Variants in TMEM196 observed in about 807,000 individuals in gnomAD.
TMEM196 encodes transmembrane protein 196.
A neutral mutation model predicts 20.0 loss-of-function variants in TMEM196; 17 were observed. The ratio of observed to expected loss-of-function variants is 0.85; its 90% confidence interval spans 0.58 to 1.27. The LOEUF (loss-of-function observed/expected upper bound fraction) is 1.27, where lower values mean the gene tolerates loss of function less well. Ranked by LOEUF, TMEM196 falls within the 50% of genes most tolerant of loss-of-function variation. TMEM196 has a pLI of 0.00. For synonymous variants in TMEM196, 113 were observed against 88.9 expected (o/e 1.27, Z -1.52); for missense variants, 267 against 223.0 (o/e 1.20, Z -1.26).
intron 1 of TMEM196, among the ~76,000 whole-genome samples, chr7:19,757,577 C>A (rs77188381): frequency 1.3e-5 from 2 of 151,966 alleles, no homozygotes; most frequent in Admixed American, 1.3e-4. Context: ...ACCCTCATGT[C>A]CCCTCTAAAA....
chr7:19,724,132 AAAGT>A, intron 4 of TMEM196, 144 bp downstream of exon 4: 1 of 726,206 alleles, frequency 1.4e-6, no homozygotes, highest in Admixed American at 2.8e-5. Flanking sequence ...TCAGCTCTGC[AAAGT>A]AAGCGCTTAC....
rs370794792 is a variant in TMEM196 at position 19,772,856 on chromosome 7, C to G, written c.-160G>C. Reference sequence around the variant, plus strand: ...TCCACAAGGGCTGGATTTCCAGAAACGAAGACCTTCCCTGGCTGGGCCAGA... The same window carrying G: ...TCCACAAGGGCTGGATTTCCAGAAAGGAAGACCTTCCCTGGCTGGGCCAGA... On this transcript the variant is annotated 5_prime_UTR_variant, in exon 1 of 5. Coordinates refer to ENST00000405844, the MANE Select transcript of TMEM196 (RefSeq NM_001363562.2). The G allele has an allele frequency of 7.7e-6, 5 of 647,484 alleles. No individual in the cohort carries two copies. The African/African-American group carries it at 9.4e-5, about 12-fold the overall frequency. The allele number at this position is 647,484 out of a possible 1,614,324, so 40.1% of individuals were successfully genotyped here. A position where few individuals can be genotyped will look rare whatever the true frequency, so the allele number is the denominator to read the frequency against.
At chr7:19,760,167 C>T (rs747954243) in intron 1 of TMEM196, among the ~76,000 whole-genome samples, 1 of 151,956 alleles carries the variant, frequency 6.6e-6, no homozygotes, top group Non-Finnish European at 1.5e-5. Context: ...TGAAACACAC[C>T]AAAGCTTTCC....
chr7:19,758,597 T>C (rs1246393302), intron 1 of TMEM196, among the ~76,000 whole-genome samples: 1 of 152,242 alleles, frequency 6.6e-6, no homozygotes, highest in Non-Finnish European at 1.5e-5. Context: ...AGTTTACTTA[T>C]TTGTGAAATG....
intron 1 of TMEM196, among the ~76,000 whole-genome samples, chr7:19,753,788 C>T (rs1345741091): frequency 6.6e-6 from 1 of 152,170 alleles, no homozygotes; most frequent in Non-Finnish European, 1.5e-5. Context: ...CTTCAAGCTC[C>T]CTTCTTTCTG....
At chr7:19,747,651 C>T (rs1451736614) in intron 1 of TMEM196, among the ~76,000 whole-genome samples, 2 of 152,212 alleles carry the variant, frequency 1.3e-5, no homozygotes, top group African/African-American at 2.4e-5. Context: ...AGAGGCTAAC[C>T]TCATTTGGAA....
chr7:19,724,736 T>G (rs1337209533), intron 3 of TMEM196, among the ~76,000 whole-genome samples: 1 of 145,578 alleles, frequency 6.9e-6, no homozygotes, highest in Non-Finnish European at 1.5e-5. Flanking sequence ...TATGCAATTT[T>G]ATTTCCATGA....
intron 1 of TMEM196, among the ~76,000 whole-genome samples, chr7:19,757,478 T>C (rs1357730607): frequency 6.6e-6 from 1 of 151,172 alleles, no homozygotes; most frequent in Non-Finnish European, 1.5e-5. Flanking sequence ...CTAACCTCAA[T>C]TGATCCACCC....
chr7:19,746,531 T>C (rs1189692356), intron 1 of TMEM196, among the ~76,000 whole-genome samples: 1 of 152,252 alleles, frequency 6.6e-6, no homozygotes, highest in Admixed American at 6.5e-5. Flanking sequence ...GCTATTTCAG[T>C]GTCCTGGGAT....
intron 1 of TMEM196, among the ~76,000 whole-genome samples, chr7:19,760,397 A>G (rs1230082550): frequency 5.6e-5 from 6 of 107,374 alleles, no homozygotes; most frequent in Middle Eastern, 0.012. Context: ...GTCTCACTCT[A>G]TTGCCCAGGC....
intron 1 of TMEM196, among the ~76,000 whole-genome samples, chr7:19,733,661 A>T (rs1472799846): frequency 4.4e-4 from 33 of 74,894 alleles, no homozygotes; most frequent in Non-Finnish European, 7.4e-4. Flanking sequence ...ATCCTTTTTT[A>T]AAAAAAAAAA....
In TMEM196 at chr7:19,772,685, G is replaced by T; in HGVS notation, c.12C>A (p.Ser4Arg). 2 of 1,519,404 alleles carry T rather than the reference G, an allele frequency of 1.3e-6. No individual in the cohort carries two copies. The highest frequency in any genetic ancestry group is 1.8e-6 in the Non-Finnish European group (2 of 1,129,004). The allele number at this position is 1,519,404 out of a possible 1,614,324, so 94.1% of individuals were successfully genotyped here. Residue 4 changes from serine to arginine, a missense_variant, in exon 1 of 5, where the codon AGC (serine) becomes AGA (arginine). Transcript: ENST00000405844. ...CCAAGAGGCTCCCAATAATCTGACC[G>T]CTGGTGCACATCCTTCCTCGGTCAT... Reference protein sequence around the residue: MCTSGQIIGSLLVL... With the variant: MCTRGQIIGSLLVL...
intron 1 of TMEM196, among the ~76,000 whole-genome samples, chr7:19,736,722 A>G (rs1219861110): frequency 6.6e-6 from 1 of 151,892 alleles, no homozygotes; most frequent in Non-Finnish European, 1.5e-5. Flanking sequence ...TGAGATATCA[A>G]TAAACATGAA....
chr7:19,759,911 CTG>C (rs2128036675), intron 1 of TMEM196, among the ~76,000 whole-genome samples: 1 of 152,280 alleles, frequency 6.6e-6, no homozygotes, highest in African/African-American at 2.4e-5. Flanking sequence ...CTAATTACAC[CTG>C]TGACTTCCTG....
intron 1 of TMEM196, among the ~76,000 whole-genome samples, chr7:19,730,260 A>T (rs1228992025): frequency 7.4e-6 from 1 of 135,640 alleles, no homozygotes; most frequent in Non-Finnish European, 1.6e-5. Context: ...CGTCTCAAAA[A>T]AGAAAAAAAA....
intron 1 of TMEM196, among the ~76,000 whole-genome samples, chr7:19,736,844 T>C (rs1231485454): frequency 3.9e-5 from 6 of 151,998 alleles, no homozygotes; most frequent in African/African-American, 1.4e-4. Context: ...GAGATCATTA[T>C]TTTATCATCC....
At chr7:19,762,881 C>T (rs1438975166) in intron 1 of TMEM196, among the ~76,000 whole-genome samples, 1 of 152,152 alleles carries the variant, frequency 6.6e-6, no homozygotes, top group Non-Finnish European at 1.5e-5. Flanking sequence ...AATGTTCATC[C>T]AACATGCATA....
rs1562612121 is a variant in TMEM196 at position 19,736,352 on chromosome 7, A to ATTATAT, written c.148-6915_148-6914insATATAA. Among the ~76,000 whole-genome samples, 168 of 103,950 alleles carry ATTATAT rather than the reference A, an allele frequency of 1.6e-3. 3 individuals carry two copies. The highest frequency in any genetic ancestry group is 6.3e-3 in the Middle Eastern group (1 of 158). The allele number at this position is 103,950 out of a possible 152,430, so 68.2% of individuals were successfully genotyped here. A position where few individuals can be genotyped will look rare whatever the true frequency, so the allele number is the denominator to read the frequency against. ...AGATCCCACTTTTCTAGTGGTTCCT[A>ATTATAT]CTATATATATATATATATATATATA... On this transcript the variant is annotated intron_variant, in intron 1 of 4. Transcript: ENST00000405844.
At chr7:19,771,086 G>C (rs1043525219) in intron 1 of TMEM196, among the ~76,000 whole-genome samples, 1 of 151,918 alleles carries the variant, frequency 6.6e-6, no homozygotes, top group Admixed American at 6.6e-5. Flanking sequence ...GTTTTAAAGC[G>C]TTATTTCTGT....
Sources: allele counts gnomAD v4.1 joint callset (sites outside exome capture counted in the v4.1 genomes callset), GRCh38; gene constraint gnomAD v4.1.1; transcripts MANE v1.5; gene names NCBI Gene and HGNC (gene_info 2026-07-23, HGNC 2026-07-21).